MOB3B: variants seen among roughly 807,000 people sequenced by gnomAD.
MOB3B encodes MOB kinase activator 3B.
MOB3B carries 7 observed loss-of-function variants against 18.7 expected under a neutral mutation model. That is an observed-to-expected ratio of 0.37 (90% CI 0.21 to 0.70). The LOEUF is 0.70. MOB3B is among the 30% of genes least tolerant of loss of function. The pLI, the probability that MOB3B is intolerant of heterozygous loss-of-function variation, is 0.52. For synonymous variants in MOB3B, 111 were observed against 99.9 expected (o/e 1.11, Z -0.66); for missense variants, 253 against 281.3 (o/e 0.90, Z 0.72).
At chr9:27,481,287 T>C (rs1263385766) in intron 1 of MOB3B, among the ~76,000 whole-genome samples, 2 of 152,114 alleles carry the variant, frequency 1.3e-5, no homozygotes, top group Non-Finnish European at 2.9e-5. Flanking sequence ...TTATAACAAA[T>C]GTAAATCAAC....
At chr9:27,477,492 T>A (rs112750789) in intron 1 of MOB3B, among the ~76,000 whole-genome samples, 3 of 152,240 alleles carry the variant, frequency 2.0e-5, no homozygotes, top group Non-Finnish European at 1.5e-5. Context: ...GTCTTTCCCA[T>A]GAGAATGTAA....
intron 3 of MOB3B, among the ~76,000 whole-genome samples, chr9:27,346,425 T>C (rs13299465): frequency 0.11 from 17,480 of 152,230 alleles, 2,625 homozygotes; most frequent in African/African-American, 0.35. Context: ...ATTTCACCTC[T>C]GCATCTGATT....
intron 1 of MOB3B, among the ~76,000 whole-genome samples, chr9:27,528,042 G>A (rs1232034899): frequency 6.6e-6 from 1 of 152,180 alleles, no homozygotes; most frequent in Non-Finnish European, 1.5e-5. Flanking sequence ...CGTCGTCTGA[G>A]TCCTCTTTTT....
At chr9:27,508,096 C>T (rs78105253) in intron 1 of MOB3B, among the ~76,000 whole-genome samples, 4,797 of 152,078 alleles carry the variant, frequency 0.032, 104 homozygotes, top group Middle Eastern at 0.065. Context: ...TTCTGGGGGA[C>T]CAAAGGAATT....
At chr9:27,369,774 C>A (rs1045954422) in intron 2 of MOB3B, among the ~76,000 whole-genome samples, 2 of 152,194 alleles carry the variant, frequency 1.3e-5, no homozygotes, top group Non-Finnish European at 2.9e-5. Context: ...CTCAGCTTCT[C>A]CATTTCGCCT....
At chr9:27,427,045 C>A (rs1187962501) in intron 2 of MOB3B, among the ~76,000 whole-genome samples, 1 of 152,196 alleles carries the variant, frequency 6.6e-6, no homozygotes, top group Non-Finnish European at 1.5e-5. Context: ...AAAGGCAGAG[C>A]AAGGGCTACA....
In MOB3B at chr9:27,497,492, T is replaced by C. The variant is rs145144609; in HGVS notation, c.-199+32063A>G. On this transcript the variant is annotated intron_variant, in intron 1 of 3. Coordinates refer to ENST00000262244, the MANE Select transcript of MOB3B (RefSeq NM_024761.5). ...ACAATGAGAATAATTTCTAGAATTA[T>C]CACAATTTCCTAAAAAATATATATA... Among the ~76,000 whole-genome samples the C allele has an allele frequency of 9.8e-4, 149 of 152,126 alleles. 1 individual carries two copies. Among genetic ancestry groups the C allele is most frequent in the Middle Eastern group, 3.4e-3 (1 of 292 alleles).
rs569950824 is a variant in MOB3B at position 27,449,629 on chromosome 9, C to T, written c.418+5504G>A. On this transcript the variant is annotated intron_variant, in intron 2 of 3. Transcript: ENST00000262244. Reference sequence around the variant, plus strand: ...GTTGATGCCCATTCTGTCTTGCTAGCGTTACAAAGATTTCTATCAAAATAA... The same window carrying T: ...GTTGATGCCCATTCTGTCTTGCTAGTGTTACAAAGATTTCTATCAAAATAA... Among the ~76,000 whole-genome samples the T allele has an allele frequency of 5.1e-4, 77 of 152,184 alleles. 1 individual carries two copies. In the South Asian group the frequency reaches 0.015, roughly 30 times the overall value.
At chr9:27,397,248 A>G (rs1330727560) in intron 2 of MOB3B, 2 of 152,014 alleles carry the variant, frequency 1.3e-5, no homozygotes, top group Non-Finnish European at 2.9e-5. Context: ...GTTCCAAGTC[A>G]TGTGGCAGGC....
At chr9:27,390,130 T>C (rs1224038662) in intron 2 of MOB3B, among the ~76,000 whole-genome samples, 1 of 152,146 alleles carries the variant, frequency 6.6e-6, no homozygotes, top group Non-Finnish European at 1.5e-5. Flanking sequence ...CAGGCTGGAG[T>C]GCAGTGGTGT....
At chr9:27,516,067 T>C (rs1221754735) in intron 1 of MOB3B, among the ~76,000 whole-genome samples, 1 of 152,172 alleles carries the variant, frequency 6.6e-6, no homozygotes, top group Non-Finnish European at 1.5e-5. Context: ...ATGATGCATC[T>C]AGAAACCAAA....
intron 2 of MOB3B, among the ~76,000 whole-genome samples, 181 bp downstream of exon 2, chr9:27,454,952 G>GT (rs1470068954): frequency 4.6e-5 from 7 of 152,076 alleles, no homozygotes; most frequent in African/African-American, 1.7e-4. Context: ...CAAAATAAAT[G>GT]TAAGTGGTCC....
intron 1 of MOB3B, among the ~76,000 whole-genome samples, chr9:27,464,681 A>G (rs1236757729): frequency 6.6e-6 from 1 of 152,190 alleles, no homozygotes; most frequent in Non-Finnish European, 1.5e-5. Context: ...CATACCTGAA[A>G]ATGGGAACAA....
intron 1 of MOB3B, among the ~76,000 whole-genome samples, chr9:27,483,125 C>CTTTTTTTTTTT (rs71492747): frequency 1.5e-5 from 1 of 68,544 alleles, no homozygotes; most frequent in African/African-American, 6.1e-5. Flanking sequence ...ATATACGGTA[C>CTTTTTTTTTTT]TTTTTTTTTT....
intron 2 of MOB3B, among the ~76,000 whole-genome samples, chr9:27,375,140 G>T (rs1407173743): frequency 2.6e-5 from 4 of 152,210 alleles, no homozygotes; most frequent in African/African-American, 9.6e-5. Flanking sequence ...GGCCAGGTGA[G>T]GCTTGGTTGC....
At chr9:27,381,249 C>T (rs1821572938) in intron 2 of MOB3B, among the ~76,000 whole-genome samples, 1 of 151,932 alleles carries the variant, frequency 6.6e-6, no homozygotes, top group Admixed American at 6.6e-5. Flanking sequence ...TAGGTAATTT[C>T]TAAGGTGCCT....
At chr9:27,495,028 C>T (rs887509784) in intron 1 of MOB3B, among the ~76,000 whole-genome samples, 1 of 152,092 alleles carries the variant, frequency 6.6e-6, no homozygotes, top group Non-Finnish European at 1.5e-5. Flanking sequence ...GGAAAAACTG[C>T]TATATATTAA....
intron 1 of MOB3B, among the ~76,000 whole-genome samples, chr9:27,473,748 G>A (rs761976623): frequency 7.9e-5 from 12 of 152,022 alleles, no homozygotes; most frequent in Non-Finnish European, 1.5e-4. Flanking sequence ...AAGCAGAAGG[G>A]GAAAGAAGGC....
intron 2 of MOB3B, among the ~76,000 whole-genome samples, chr9:27,399,967 T>C (rs1278382177): frequency 6.6e-6 from 1 of 152,082 alleles, no homozygotes; most frequent in Admixed American, 6.6e-5. Context: ...AGAAGTGTAA[T>C]CTCAAGCCCA....
Sources: allele counts gnomAD v4.1 joint callset (sites outside exome capture counted in the v4.1 genomes callset), GRCh38; gene constraint gnomAD v4.1.1; transcripts MANE v1.5; gene names NCBI Gene and HGNC (gene_info 2026-07-23, HGNC 2026-07-21).